The following SEC14L5 variants were observed in gnomAD, a reference collection of about 807,000 sequenced individuals.
SEC14L5 encodes the protein SEC14 like lipid binding 5.
SEC14L5 carries 96 observed loss-of-function variants against 84.6 expected under a neutral mutation model. The ratio of observed to expected loss-of-function variants is 1.13; its 90% CI spans 0.96 to 1.34. The LOEUF is 1.34. Ranked by LOEUF, SEC14L5 falls within the 40% of genes most tolerant of loss-of-function variation. The probability of loss-of-function intolerance (pLI) is 0.00; values close to 1 mark genes in which losing one functional copy is unlikely to be tolerated. For missense variants in SEC14L5, 1,224 were observed against 942.5 expected, an observed-to-expected ratio of 1.30 and a Z score of -3.91; for synonymous variants, 546 against 383.4, an observed-to-expected ratio of 1.42 and a Z score of -4.95.
Position 5,003,329 on chromosome 16 carries a change from C to G in SEC14L5, c.1131-73C>G, listed in dbSNP as rs1402253112. 4.1e-6 allele frequency: 5 copies of G among 1,205,084 alleles called. No individual in the cohort carries two copies. In the African/African-American group the frequency reaches 4.5e-5, roughly 11 times the overall value. The allele number at this position is 1,205,084 out of a possible 1,614,324, so 74.6% of individuals were successfully genotyped here. ...TATCTCTCGGAGCCTCCCTGTTCAT[C>G]CCCTGTGGGGAGGGTGTTGGTGGCC... On this transcript the variant is annotated intron_variant, in intron 10 of 15. Transcript: ENST00000251170.
chr16:4,976,888 C>A (rs544329098), intron 2 of SEC14L5, among the ~76,000 whole-genome samples: 1 of 152,294 alleles, frequency 6.6e-6, no homozygotes, highest in African/African-American at 2.4e-5. Context: ...GGTGGTCAAG[C>A]CAACTGTAGG....
At chr16:4,964,980 T>C (rs1962817) in intron 2 of SEC14L5, among the ~76,000 whole-genome samples, 93,702 of 151,936 alleles carry the variant, frequency 0.62, 29,712 homozygotes, top group East Asian at 0.79. Flanking sequence ...ATCTGCCCAC[T>C]TTGGACTCCC....
chr16:4,997,126 T>A (rs985187215), intron 8 of SEC14L5, 82 bp downstream of exon 8: 3 of 1,010,402 alleles, frequency 3.0e-6, no homozygotes, highest in South Asian at 1.8e-5. Context: ...TGAGATGGGG[T>A]CTCACTCTGT....
chr16:4,968,311 C>G (rs1402193491), intron 2 of SEC14L5, among the ~76,000 whole-genome samples: 1 of 152,050 alleles, frequency 6.6e-6, no homozygotes, highest in African/African-American at 2.4e-5. Context: ...TCCCGAGTAG[C>G]TGGGATTACA....
chr16:5,007,278 A>C, intron 12 of SEC14L5, 74 bp from the exon 13 acceptor site: 1 of 1,463,042 alleles, frequency 6.8e-7, no homozygotes, highest in South Asian at 1.3e-5. Flanking sequence ...GGGGTCACAC[A>C]TCACCCTTCT....
At chr16:5,003,624 G>GGCCC in intron 11 of SEC14L5, 51 bp downstream of exon 11, 4 of 305,312 alleles carry the variant, frequency 1.3e-5, no homozygotes, top group Admixed American at 4.1e-5. Flanking sequence ...GGTGGGATGG[G>GGCCC]AGGGGTTCCG....
intron 13 of SEC14L5, 48 bp downstream of exon 13, chr16:5,007,534 G>A (rs781747009): frequency 6.3e-6 from 10 of 1,580,982 alleles, no homozygotes; most frequent in Admixed American, 3.5e-5. Context: ...AGTGTCTGTC[G>A]TCTTAGGTCA....
intron 2 of SEC14L5, among the ~76,000 whole-genome samples, chr16:4,965,653 T>TC (rs1271138163): frequency 4.9e-5 from 3 of 61,046 alleles, no homozygotes; most frequent in African/African-American, 1.3e-4. Context: ...AGAGCAAGAC[T>TC]CCATCTCAAA....
chr16:4,964,579 A>G (rs750187821), intron 2 of SEC14L5, among the ~76,000 whole-genome samples: 20 of 151,388 alleles, frequency 1.3e-4, no homozygotes, highest in Non-Finnish European at 2.9e-4. Context: ...GTGTGACCCT[A>G]TCTCAAAAAA....
Position 4,988,286 on chromosome 16 carries a change from C to T in SEC14L5, c.345+6C>T, listed in dbSNP as rs775745715. On this transcript the variant is annotated splice_donor_region_variant and intron_variant, in intron 4 of 15. Coordinates refer to ENST00000251170, the MANE Select transcript of SEC14L5 (RefSeq NM_014692.2). The stretch of plus-strand genomic sequence containing the variant: ...ACGAGCACTGCAGCTACACGGTGAG[C>T]CCAGGCCACCCTCAGCGCCCACGCC... The T allele has an allele frequency of 1.2e-6, 2 of 1,613,278 alleles. No individual in the cohort carries two copies. The highest frequency in any genetic ancestry group is 1.1e-5 in the South Asian group (1 of 91,036).
chr16:5,001,620 ATCCAGGAACCCAGTGTCCTC>A (rs1435561091), intron 10 of SEC14L5, among the ~76,000 whole-genome samples: 6 of 152,084 alleles, frequency 3.9e-5, no homozygotes, highest in Admixed American at 1.3e-4. Context: ...GTCATGGCAC[ATCCAGGAACCCAGTGTCCTC>A]TGCAGGAACC....
chr16:4,974,967 G>T (rs904005447), intron 2 of SEC14L5, among the ~76,000 whole-genome samples: 1 of 151,776 alleles, frequency 6.6e-6, no homozygotes, highest in African/African-American at 2.4e-5. Context: ...TAGTAAATAT[G>T]GGGTTTCACC....
At chr16:4,963,622 A>G (rs935894408) in intron 2 of SEC14L5, among the ~76,000 whole-genome samples, 1 of 152,182 alleles carries the variant, frequency 6.6e-6, no homozygotes, top group Admixed American at 6.5e-5. Flanking sequence ...CTGGGATTAG[A>G]GGCGCGAGCC....
chr16:4,958,688 G>C (rs1596607886), intron 1 of SEC14L5, among the ~76,000 whole-genome samples: 1 of 152,246 alleles, frequency 6.6e-6, no homozygotes, highest in Non-Finnish European at 1.5e-5. Context: ...AATTGCGTGC[G>C]TGGAGCTGGG....
intron 2 of SEC14L5, among the ~76,000 whole-genome samples, chr16:4,964,559 G>A (rs1410235350): frequency 6.6e-6 from 1 of 152,038 alleles, no homozygotes; most frequent in Non-Finnish European, 1.5e-5. Flanking sequence ...ACTCCAGCCT[G>A]GGTGACAGAG....
Position 4,987,717 on chromosome 16 carries a change from C to T in SEC14L5, c.213+11C>T, listed in dbSNP as rs925303221. The T allele has an allele frequency of 3.4e-6, 5 of 1,481,996 alleles. No individual in the cohort carries two copies. Among genetic ancestry groups the T allele is most frequent in the Non-Finnish European group, 3.6e-6 (4 of 1,123,578 alleles). The allele number at this position is 1,481,996 out of a possible 1,614,324, so 91.8% of individuals were successfully genotyped here. On this transcript the variant is annotated intron_variant, in intron 3 of 15. Coordinates refer to ENST00000251170, the MANE Select transcript of SEC14L5 (RefSeq NM_014692.2). ...CGGCTGCTGCGGAAGGTGGGCGGCC[C>T]TGGGGCTGGGGGGCGGAGGAGGGGA... is the stretch of plus-strand genomic sequence containing the variant.
At chr16:5,004,931 A>G (rs1232909281) in intron 11 of SEC14L5, among the ~76,000 whole-genome samples, 3 of 152,218 alleles carry the variant, frequency 2.0e-5, no homozygotes, top group Non-Finnish European at 4.4e-5. Flanking sequence ...TGATCCTCCA[A>G]CACGGAGGGA....
rs549509845 is a variant in SEC14L5 at position 5,005,271 on chromosome 16, C to T, written c.1303-643C>T. On this transcript the variant is annotated intron_variant, in intron 11 of 15. Coordinates refer to ENST00000251170, the MANE Select transcript of SEC14L5 (RefSeq NM_014692.2). ...TGCAGCTTGCAGTGAGCCAAGATTG[C>T]GCCATTGCACTCAAGCCTGGGAGAC... Among the ~76,000 whole-genome samples the T allele has an allele frequency of 6.6e-5, 10 of 151,630 alleles. 1 individual carries two copies. The South Asian group carries it at 1.5e-3, about 22-fold the overall frequency.
In SEC14L5 at chr16:5,011,108, C is replaced by T. The variant is rs1331708890; in HGVS notation, c.1814C>T (p.Thr605Ile). 6.2e-7 allele frequency: 1 copy of T among 1,602,816 alleles called. No homozygotes were observed. The highest frequency in any genetic ancestry group is 8.5e-7 in the Non-Finnish European group (1 of 1,174,994). The change falls in exon 15 of 16, where the codon ACC becomes ATC. Residue 605 changes from threonine to isoleucine, a missense_variant. Thr to Ile is a moderately conservative substitution (Grantham distance 89). Transcript: ENST00000251170. Reference sequence around the variant, plus strand: ...GATGTGTTTCAGGGCTCCCATGTGACCCGGTGGCCCGGCGTCTACCTGCTC... The same window carrying T: ...GATGTGTTTCAGGGCTCCCATGTGATCCGGTGGCCCGGCGTCTACCTGCTC... ...EGESIQGSHV[T>I]RWPGVYLLQW...
Sources: gnomAD v4.1 joint callset for allele counts (sites outside exome capture counted in the v4.1 genomes callset) on GRCh38, gnomAD v4.1.1 for gene constraint, MANE v1.5 for transcripts, NCBI Gene and HGNC (gene_info 2026-07-23, HGNC 2026-07-21) for gene names.